Variants in SDK1 observed in about 807,000 individuals in gnomAD.
The protein encoded by SDK1 is sidekick cell adhesion molecule 1.
In SDK1, 157 loss-of-function variants were observed where a neutral mutation model predicts 245.5. The observed-to-expected ratio is 0.64, with a 90% CI of 0.56 to 0.73. The LOEUF (loss-of-function observed/expected upper bound fraction) is 0.73. Ranked by LOEUF, SDK1 falls within the 30% of genes least tolerant of loss-of-function variation. The pLI is 0.00. For synonymous variants in SDK1, 1,647 were observed against 1,278.5 expected (o/e 1.29, Z -6.15); for missense variants, 3,583 against 3,002.3 (o/e 1.19, Z -4.52).
chr7:3,634,114 G>C (rs1254702005), intron 2 of SDK1, among the ~76,000 whole-genome samples: 1 of 152,186 alleles, frequency 6.6e-6, no homozygotes, highest in African/African-American at 2.4e-5. Context: ...TACCTGTAGA[G>C]GCAGGTGAGT....
intron 5 of SDK1, among the ~76,000 whole-genome samples, chr7:3,844,310 A>C (rs1780225727): frequency 6.6e-6 from 1 of 152,186 alleles, no homozygotes; most frequent in Non-Finnish European, 1.5e-5. Context: ...AATTATTTAA[A>C]GGAGAAGGGT....
At chr7:3,338,782 A>G (rs976754449) in intron 1 of SDK1, among the ~76,000 whole-genome samples, 3 of 152,176 alleles carry the variant, frequency 2.0e-5, no homozygotes, top group Non-Finnish European at 4.4e-5. Flanking sequence ...GTAGAGTGTG[A>G]TAAGTTACAT....
At chr7:3,848,784 G>C (rs1364929527) in intron 5 of SDK1, among the ~76,000 whole-genome samples, 2 of 151,912 alleles carry the variant, frequency 1.3e-5, no homozygotes, top group African/African-American at 4.8e-5. Context: ...CAATTCTCCT[G>C]CCTCAGCTTC....
At chr7:3,497,566 C>G (rs1166526042) in intron 1 of SDK1, among the ~76,000 whole-genome samples, 2 of 152,158 alleles carry the variant, frequency 1.3e-5, no homozygotes, top group Admixed American at 6.5e-5. Flanking sequence ...TTGTCTCAAC[C>G]TGTAACACAC....
chr7:3,441,213 T>G (rs965869896), intron 1 of SDK1, among the ~76,000 whole-genome samples: 1 of 152,206 alleles, frequency 6.6e-6, no homozygotes, highest in African/African-American at 2.4e-5. Flanking sequence ...TAATATTTTA[T>G]TTTATGATTT....
intron 5 of SDK1, among the ~76,000 whole-genome samples, chr7:3,832,410 T>A (rs1237485898): frequency 6.6e-6 from 1 of 152,250 alleles, no homozygotes; most frequent in African/African-American, 2.4e-5. Context: ...TTAGTCATAA[T>A]GTTTTATTAC....
chr7:3,757,476 G>T (rs149465368), intron 4 of SDK1, among the ~76,000 whole-genome samples: 3,878 of 152,160 alleles, frequency 0.025, 165 homozygotes, highest in African/African-American at 0.09. Flanking sequence ...GCCTCAAGCA[G>T]TCCTCCCACT....
At chr7:3,764,665 G>A (rs1324178711) in intron 4 of SDK1, among the ~76,000 whole-genome samples, 2 of 151,974 alleles carry the variant, frequency 1.3e-5, no homozygotes, top group African/African-American at 2.4e-5. Context: ...CTGGGCGACA[G>A]AGTGAGACTC....
chr7:3,921,025 T>C (rs926723267), intron 5 of SDK1, among the ~76,000 whole-genome samples: 5 of 152,168 alleles, frequency 3.3e-5, no homozygotes, highest in African/African-American at 1.2e-4. Context: ...AGTTGAGATA[T>C]AAACTAGGTA....
At chr7:3,664,247 C>T (rs925704939) in intron 4 of SDK1, among the ~76,000 whole-genome samples, 7 of 152,112 alleles carry the variant, frequency 4.6e-5, no homozygotes, top group Admixed American at 1.3e-4. Context: ...AGCTCCGTCA[C>T]TGGGAGGGTC....
At chr7:3,862,275 C>T (rs1780712563) in intron 5 of SDK1, among the ~76,000 whole-genome samples, 1 of 152,190 alleles carries the variant, frequency 6.6e-6, no homozygotes, top group African/African-American at 2.4e-5. Flanking sequence ...GGGGAGGAAG[C>T]AGGGCGCTAG....
intron 5 of SDK1, among the ~76,000 whole-genome samples, chr7:3,898,861 T>C (rs969868292): frequency 1.1e-4 from 17 of 152,330 alleles, no homozygotes; most frequent in African/African-American, 3.8e-4. Flanking sequence ...GCTAAATTCA[T>C]CTGTAACATC....
chr7:3,952,968 C>A (rs1218180095), intron 7 of SDK1, among the ~76,000 whole-genome samples: 1 of 152,088 alleles, frequency 6.6e-6, no homozygotes, highest in Admixed American at 6.5e-5. Flanking sequence ...GCCGTGATGA[C>A]TATGAGAGCA....
At chr7:3,515,781 A>T (rs1470520619) in intron 1 of SDK1, among the ~76,000 whole-genome samples, 1 of 152,220 alleles carries the variant, frequency 6.6e-6, no homozygotes, top group African/African-American at 2.4e-5. Context: ...TGCATTATTT[A>T]AAAATCCCAG....
At chr7:3,742,088 GT>G (rs1779494439) in intron 4 of SDK1, among the ~76,000 whole-genome samples, 1 of 150,232 alleles carries the variant, frequency 6.7e-6, no homozygotes, top group East Asian at 1.9e-4. Context: ...GGGGGGAGCA[GT>G]TTAAATTTTG....
chr7:4,070,828 G>C (rs1780208289), intron 20 of SDK1, among the ~76,000 whole-genome samples: 1 of 151,602 alleles, frequency 6.6e-6, no homozygotes. Context: ...TCCTGCCTCA[G>C]CCTCCCGAGT....
intron 1 of SDK1, among the ~76,000 whole-genome samples, chr7:3,558,676 C>A (rs1376509429): frequency 6.6e-6 from 1 of 152,172 alleles, no homozygotes; most frequent in African/African-American, 2.4e-5. Flanking sequence ...CTGCTGAAGC[C>A]TGTGTCTGAG....
intron 5 of SDK1, among the ~76,000 whole-genome samples, chr7:3,857,832 G>C (rs749356348): frequency 5.9e-5 from 9 of 152,104 alleles, no homozygotes; most frequent in Admixed American, 2.0e-4. Context: ...TAGAAATACA[G>C]TAAAATAGGA....
At chr7:3,775,654 C>G (rs1415094499) in intron 4 of SDK1, among the ~76,000 whole-genome samples, 5 of 151,554 alleles carry the variant, frequency 3.3e-5, no homozygotes, top group African/African-American at 1.2e-4. Flanking sequence ...TCGGCTCACT[C>G]CAAGCTCTGC....
Sources: allele counts gnomAD v4.1 joint callset (sites outside exome capture counted in the v4.1 genomes callset), GRCh38; gene constraint gnomAD v4.1.1; transcripts MANE v1.5; gene names NCBI Gene and HGNC (gene_info 2026-07-23, HGNC 2026-07-21).